The following SYT1 variants were observed in gnomAD, a reference collection of about 807,000 sequenced individuals.
SYT1 encodes synaptotagmin 1, also known as synaptotagmin-1.
In SYT1, 8 loss-of-function variants were observed where a neutral mutation model predicts 44.8. That is an observed-to-expected ratio of 0.18 (90% confidence interval 0.10 to 0.32). The LOEUF (loss-of-function observed/expected upper bound fraction) is 0.32. Among genes scored for constraint, SYT1 ranks in the 10% least tolerant of loss-of-function variants. The pLI is 1.00. For synonymous variants in SYT1, 154 were observed against 188.8 expected, an observed-to-expected ratio of 0.82 and a Z score of 1.51; for missense variants, 286 against 509.3, an observed-to-expected ratio of 0.56 and a Z score of 4.22.
intron 10 of SYT1, 83 bp downstream of exon 10, chr12:79,444,289 A>G (rs889604052): frequency 1.2e-5 from 18 of 1,502,930 alleles, no homozygotes; most frequent in Non-Finnish European, 1.6e-5. Context: ...CTTGTAAGTT[A>G]TCAGTGCACA....
At position 79,082,929 on chromosome 12, in the gene SYT1, A is replaced by C. The variant is rs373759415; in HGVS notation, c.-18+35567A>C. On this transcript the variant is annotated intron_variant, in intron 3 of 10. Transcript: ENST00000261205. ...TTGAGTAGCTTCCAGGTAAAGGAAA[A>C]ATTTTTTAATGAAAAAACAAAAATA... Among the ~76,000 whole-genome samples the C allele has an allele frequency of 6.6e-5, 10 of 152,308 alleles. No individual in the cohort carries two copies. The East Asian group carries it at 1.4e-3, about 21-fold the overall frequency.
At chr12:79,094,858 T>C (rs1414952374) in intron 3 of SYT1, among the ~76,000 whole-genome samples, 1 of 151,928 alleles carries the variant, frequency 6.6e-6, no homozygotes, top group African/African-American at 2.4e-5. Flanking sequence ...ATAAGCCTTT[T>C]AATGGCTTTA....
chr12:79,007,019 C>G (rs1358654967), intron 2 of SYT1, among the ~76,000 whole-genome samples: 1 of 152,044 alleles, frequency 6.6e-6, no homozygotes, highest in African/African-American at 2.4e-5. Flanking sequence ...GCTCTCTGCC[C>G]ATTAACATTT....
At chr12:79,326,592 G>A (rs1217810835) in intron 8 of SYT1, among the ~76,000 whole-genome samples, 1 of 152,170 alleles carries the variant, frequency 6.6e-6, no homozygotes, top group African/African-American at 2.4e-5. Context: ...TTGACATCCA[G>A]GCTCTCCATG....
intron 4 of SYT1, among the ~76,000 whole-genome samples, chr12:79,253,724 A>G (rs986131158): frequency 2.0e-5 from 3 of 152,150 alleles, no homozygotes; most frequent in African/African-American, 7.2e-5. Context: ...GTCATCTCGC[A>G]CAACTTAGCA....
chr12:78,910,545 C>G (rs1353981693), intron 1 of SYT1, among the ~76,000 whole-genome samples: 1 of 151,950 alleles, frequency 6.6e-6, no homozygotes, highest in Non-Finnish European at 1.5e-5. Flanking sequence ...TTTGTTGATT[C>G]ATTCAATTGG....
At chr12:79,355,517 G>C (rs1883077710) in intron 9 of SYT1, among the ~76,000 whole-genome samples, 1 of 152,088 alleles carries the variant, frequency 6.6e-6, no homozygotes, top group Non-Finnish European at 1.5e-5. Context: ...TAAATATCCT[G>C]AAAAGCCCTA....
At chr12:79,400,943 C>A (rs1418103797) in intron 9 of SYT1, among the ~76,000 whole-genome samples, 1 of 152,160 alleles carries the variant, frequency 6.6e-6, no homozygotes, top group African/African-American at 2.4e-5. Context: ...TTCAAATAAT[C>A]ATTGAGAGAC....
chr12:79,240,102 G>A, intron 4 of SYT1, among the ~76,000 whole-genome samples: 1 of 152,160 alleles, frequency 6.6e-6, no homozygotes, highest in East Asian at 1.9e-4. Context: ...CATACTCAAA[G>A]AGAAGGCTTA....
At chr12:79,200,885 T>C (rs1353023511) in intron 3 of SYT1, among the ~76,000 whole-genome samples, 2 of 152,178 alleles carry the variant, frequency 1.3e-5, no homozygotes, top group Admixed American at 6.5e-5. Context: ...CATATATATC[T>C]TGATTAAAGG....
At chr12:79,394,273 A>C (rs1484857199) in intron 9 of SYT1, among the ~76,000 whole-genome samples, 1 of 152,236 alleles carries the variant, frequency 6.6e-6, no homozygotes, top group Non-Finnish European at 1.5e-5. Flanking sequence ...GGACCAGCAG[A>C]TATGAAAATG....
At chr12:79,143,299 A>G (rs959193224) in intron 3 of SYT1, among the ~76,000 whole-genome samples, 2 of 152,210 alleles carry the variant, frequency 1.3e-5, no homozygotes, top group African/African-American at 4.8e-5. Flanking sequence ...TGTCTTTTGC[A>G]GCGTTTTCAT....
chr12:78,921,990 G>T (rs1487522373), intron 1 of SYT1, among the ~76,000 whole-genome samples: 1 of 115,582 alleles, frequency 8.7e-6, no homozygotes, highest in Non-Finnish European at 1.8e-5. Flanking sequence ...TACCTTTAAA[G>T]AATAAAAAAA....
At chr12:79,079,494 C>T (rs753230421) in intron 3 of SYT1, among the ~76,000 whole-genome samples, 1 of 151,978 alleles carries the variant, frequency 6.6e-6, no homozygotes, top group Non-Finnish European at 1.5e-5. Context: ...ATTATCATCT[C>T]ATTTAAATTA....
At chr12:79,012,716 C>T (rs1406971756) in intron 2 of SYT1, among the ~76,000 whole-genome samples, 25 of 152,172 alleles carry the variant, frequency 1.6e-4, no homozygotes, top group Non-Finnish European at 7.4e-5. Flanking sequence ...CAGCTGTCTA[C>T]AAACAAGTGT....
chr12:79,148,455 T>C (rs529102522), intron 3 of SYT1, among the ~76,000 whole-genome samples: 63 of 152,284 alleles, frequency 4.1e-4, no homozygotes, highest in African/African-American at 1.4e-3. Flanking sequence ...CAGGAGAAGG[T>C]CTTTCCTGAA....
In SYT1 at chr12:79,179,381, T is replaced by TATAGAC. The variant is rs1382175401; in HGVS notation, c.-17-38119_-17-38118insGACATA. On this transcript the variant is annotated intron_variant, in intron 3 of 10. Transcript: ENST00000261205. ...ATATAGATATAGATATAGATATAGA[T>TATAGAC]ATATCGATATAGATATCCATATAGA... 1.7e-3 allele frequency among the ~76,000 whole-genome samples: 208 copies of TATAGAC among 125,298 alleles called. 11 individuals are homozygous for TATAGAC. Among genetic ancestry groups the TATAGAC allele is most frequent in the Middle Eastern group, 6.2e-3 (1 of 162 alleles). The allele number at this position is 125,298 out of a possible 152,430, so 82.2% of individuals were successfully genotyped here. A position where few individuals can be genotyped will look rare whatever the true frequency, so the allele number is the denominator to read the frequency against.
rs545953565 is a variant in SYT1 at position 78,909,329 on chromosome 12, T to A, written c.-217+44220T>A. Among the ~76,000 whole-genome samples, 6 of 152,094 alleles carry A rather than the reference T, an allele frequency of 3.9e-5. No homozygotes were observed. In the East Asian group the frequency reaches 1.2e-3, roughly 29 times the overall value. On this transcript the variant is annotated intron_variant, in intron 1 of 10. Transcript: ENST00000261205. ...TATTTCTAAATTGCTTTGCTTCGTC[T>A]GTTTCCTTATTTTCTAGGTAGAAAA...
chr12:79,322,702 T>C (rs1881423022), intron 8 of SYT1, among the ~76,000 whole-genome samples: 1 of 152,310 alleles, frequency 6.6e-6, no homozygotes, highest in East Asian at 1.9e-4. Context: ...ATTGGGGCTC[T>C]TAAAATAGAA....
Sources: allele counts gnomAD v4.1 joint callset (sites outside exome capture counted in the v4.1 genomes callset), GRCh38; gene constraint gnomAD v4.1.1; transcripts MANE v1.5; gene names NCBI Gene and HGNC (gene_info 2026-07-23, HGNC 2026-07-21).